Variants in ESR1 observed in about 807,000 individuals in gnomAD.
The protein encoded by ESR1 is estrogen receptor 1, also known as estrogen receptor.
A neutral mutation model predicts 52.7 loss-of-function variants in ESR1; 12 were observed. The ratio of observed to expected loss-of-function variants is 0.23; its 90% CI spans 0.15 to 0.37. The LOEUF (loss-of-function observed/expected upper bound fraction) is 0.37, where lower values mean the gene tolerates loss of function less well. Among genes scored for constraint, ESR1 ranks in the 10% least tolerant of loss-of-function variants. The pLI, the probability that ESR1 is intolerant of heterozygous loss-of-function variation, is 1.00. For missense variants in ESR1, 584 were observed against 779.7 expected, an observed-to-expected ratio of 0.75 and a Z score of 2.99; for synonymous variants, 305 against 316.8, an observed-to-expected ratio of 0.96 and a Z score of 0.39.
At chr6:151,900,528 G>A (rs750119404) in intron 3 of ESR1, among the ~76,000 whole-genome samples, 43 of 152,242 alleles carry the variant, frequency 2.8e-4, no homozygotes, top group African/African-American at 1.0e-3. Context: ...TTGTTTTGTC[G>A]TATTACTGGG....
At chr6:151,924,564 T>C (rs2032336579) in intron 3 of ESR1, among the ~76,000 whole-genome samples, 1 of 152,118 alleles carries the variant, frequency 6.6e-6, no homozygotes, top group Non-Finnish European at 1.5e-5. Context: ...GATAGTTCTT[T>C]TTCCTGATCC....
chr6:151,760,070 C>T (rs189515947), intron 2 of ESR1, among the ~76,000 whole-genome samples: 74 of 152,328 alleles, frequency 4.9e-4, no homozygotes, highest in African/African-American at 1.6e-3. Context: ...CATCAGGGAT[C>T]ACCTTATCAT....
Position 151,842,586 on chromosome 6 carries a change from T to A in ESR1, c.453-11T>A. 6.2e-7 allele frequency: 1 copy of A among 1,611,912 alleles called. No individual in the cohort carries two copies. Among genetic ancestry groups the A allele is most frequent in the Non-Finnish European group, 8.5e-7 (1 of 1,179,058 alleles). On this transcript the variant is annotated splice_polypyrimidine_tract_variant and intron_variant, in intron 1 of 7. Coordinates refer to ENST00000206249, the MANE Select transcript of ESR1 (RefSeq NM_000125.4). ...CTAATGTTAATGGATTTACTGTTTT[T>A]TTCCCCCCAGGCCAAATTCAGATAA...
chr6:151,968,193 G>T (rs1004988890), intron 4 of ESR1, among the ~76,000 whole-genome samples: 1 of 152,088 alleles, frequency 6.6e-6, no homozygotes, highest in African/African-American at 2.4e-5. Context: ...TTTAATAAAT[G>T]GTGTTGGGAA....
chr6:151,993,206 G>T (rs1409977440), intron 4 of ESR1, among the ~76,000 whole-genome samples: 2 of 152,072 alleles, frequency 1.3e-5, no homozygotes, highest in Non-Finnish European at 2.9e-5. Context: ...ATACAAAGTT[G>T]TCCTGGGCAA....
intron 4 of ESR1, among the ~76,000 whole-genome samples, chr6:152,002,209 T>G (rs1006917485): frequency 4.6e-5 from 7 of 151,592 alleles, no homozygotes; most frequent in Non-Finnish European, 1.0e-4. Flanking sequence ...TGTGTGTGTG[T>G]GTGTGTGTGT....
intron 2 of ESR1, among the ~76,000 whole-genome samples, chr6:151,851,793 G>T (rs1205774021): frequency 1.3e-5 from 2 of 152,202 alleles, no homozygotes; most frequent in Non-Finnish European, 2.9e-5. Flanking sequence ...CTCCCAAAGT[G>T]CTGGGATTAC....
At chr6:151,903,422 G>A (rs2128413345) in intron 3 of ESR1, among the ~76,000 whole-genome samples, 1 of 152,234 alleles carries the variant, frequency 6.6e-6, no homozygotes, top group Admixed American at 6.5e-5. Flanking sequence ...ACAAGTGACA[G>A]CTTTTGGTTC....
At chr6:151,678,398 G>A (rs902483285) in intron 1 of ESR1, among the ~76,000 whole-genome samples, 42 of 151,900 alleles carry the variant, frequency 2.8e-4, no homozygotes, top group African/African-American at 9.9e-4. Context: ...TCTTGAACCC[G>A]GGAGGCAGAG....
intron 1 of ESR1, among the ~76,000 whole-genome samples, chr6:151,830,829 C>T (rs553884517): frequency 7.9e-5 from 12 of 152,074 alleles, no homozygotes; most frequent in African/African-American, 2.4e-4. Context: ...GACATTTTAC[C>T]GAGAGCCTTA....
At chr6:151,775,695 G>A (rs1156601019) in intron 2 of ESR1, among the ~76,000 whole-genome samples, 2 of 150,376 alleles carry the variant, frequency 1.3e-5, no homozygotes, top group African/African-American at 2.5e-5. Flanking sequence ...GCAGTGAGCC[G>A]AGATCGCGCC....
chr6:151,737,088 C>T (rs1428610748), intron 2 of ESR1, among the ~76,000 whole-genome samples: 1 of 152,098 alleles, frequency 6.6e-6, no homozygotes, highest in Non-Finnish European at 1.5e-5. Context: ...TTGGTAGCCT[C>T]CCTTTGGTAT....
intron 6 of ESR1, among the ~76,000 whole-genome samples, chr6:152,120,139 TGTG>T (rs2152515977): frequency 6.6e-6 from 1 of 152,358 alleles, no homozygotes; most frequent in South Asian, 2.1e-4. Context: ...TTGACAGTGA[TGTG>T]GAGAAGAAAT....
chr6:151,869,872 A>G (rs1308435818), intron 2 of ESR1, among the ~76,000 whole-genome samples: 3 of 152,246 alleles, frequency 2.0e-5, no homozygotes. Context: ...AAGATTAACT[A>G]GAACTGACTA....
chr6:152,114,124 T>C (rs2051179555), intron 6 of ESR1, among the ~76,000 whole-genome samples: 1 of 152,166 alleles, frequency 6.6e-6, no homozygotes, highest in Non-Finnish European at 1.5e-5. Flanking sequence ...GGCAGAATCC[T>C]GTGTGAAGCT....
intron 2 of ESR1, among the ~76,000 whole-genome samples, chr6:151,705,702 G>T (rs1178799427): frequency 6.6e-6 from 1 of 151,968 alleles, no homozygotes; most frequent in Non-Finnish European, 1.5e-5. Context: ...ACTTTATCTT[G>T]TTGCTTTAAT....
chr6:151,658,875 A>T (rs1055418565), intron 1 of ESR1, among the ~76,000 whole-genome samples: 7 of 152,222 alleles, frequency 4.6e-5, no homozygotes, highest in African/African-American at 1.7e-4. Flanking sequence ...GCCAAGTTTG[A>T]GTCTAAATCC....
chr6:151,878,123 A>G (rs1190207916), intron 2 of ESR1, among the ~76,000 whole-genome samples: 1 of 152,108 alleles, frequency 6.6e-6, no homozygotes, highest in East Asian at 1.9e-4. Flanking sequence ...CCATATACTC[A>G]TTTTTTGTTA....
At chr6:152,084,869 G>C (rs1226632725) in intron 6 of ESR1, among the ~76,000 whole-genome samples, 2 of 152,162 alleles carry the variant, frequency 1.3e-5, no homozygotes, top group African/African-American at 4.8e-5. Flanking sequence ...ACCAGTTAGG[G>C]GATGATCCAT....
Sources: allele counts gnomAD v4.1 joint callset (sites outside exome capture counted in the v4.1 genomes callset), GRCh38; gene constraint gnomAD v4.1.1; transcripts MANE v1.5; gene names NCBI Gene and HGNC (gene_info 2026-07-23, HGNC 2026-07-21).